PFKFB3: variants seen among roughly 807,000 people sequenced by gnomAD.
The protein encoded by PFKFB3 is 6-phosphofructo-2-kinase/fructose-2,6-bisphosphatase 3.
A neutral mutation model predicts 68.0 loss-of-function variants in PFKFB3; 33 were observed. That is an observed-to-expected ratio of 0.49 (90% CI 0.37 to 0.65). PFKFB3 has a LOEUF of 0.65. Ranked by LOEUF, PFKFB3 falls within the 30% of genes least tolerant of loss-of-function variation. The pLI is 0.00. For missense variants in PFKFB3, 586 were observed against 712.2 expected (o/e 0.82, Z 2.02); for synonymous variants, 315 against 288.2 (o/e 1.09, Z -0.94).
At chr10:6,275,578 ACGCG>A in the PFKFB3 span, among the ~76,000 whole-genome samples, 1 of 152,196 alleles carries the variant, frequency 6.6e-6, no homozygotes, top group Middle Eastern at 3.4e-3. This position sits in a 1 kb window ranked among gnomAD's most constrained non-coding sequence, Gnocchi z 4.9. Context: ...TGTTCCCCAC[ACGCG>A]TTCTTATTGT....
chr10:6,291,520 C>T, the PFKFB3 span, among the ~76,000 whole-genome samples: 1 of 150,624 alleles, frequency 6.6e-6, no homozygotes, highest in South Asian at 2.1e-4. Context: ...CCGCTGCACT[C>T]CAGCCTGGGC....
chr10:6,200,659 C>CGGGG (rs57019530), upstream of PFKFB3, among the ~76,000 whole-genome samples: 7 of 68,964 alleles, frequency 1.0e-4, no homozygotes, highest in African/African-American at 2.0e-4. Flanking sequence ...ATGTAAGGAG[C>CGGGG]GGGGGGGGGG....
chr10:6,148,333 T>C (rs1287790353), intron 1 of PFKFB3, among the ~76,000 whole-genome samples: 2 of 152,200 alleles, frequency 1.3e-5, no homozygotes, highest in African/African-American at 4.8e-5. Flanking sequence ...CAGAGGGACT[T>C]AGACCTCATA....
chr10:6,237,514 A>C (rs12573050), downstream of PFKFB3, among the ~76,000 whole-genome samples: 39 of 152,394 alleles, frequency 2.6e-4, no homozygotes, highest in East Asian at 7.3e-3. Flanking sequence ...TGTATTAACA[A>C]AAATTCAAAG....
rs79776026 is a variant in PFKFB3, at chr10:6,154,215, G to A, written c.16+9202G>A. Among the ~76,000 whole-genome samples the A allele has an allele frequency of 6.7e-3, 1,026 of 152,080 alleles. 20 individuals carry two copies. The highest frequency in any genetic ancestry group is 0.023 in the African/African-American group (973 of 41,478). ...CTCTCAGCTGGAGACAGGAAGGCCT[G>A]GGAGGGTTTTGGTGGAGGTGTGGGC... On this transcript the variant is annotated intron_variant, in intron 1 of 14. Transcript: ENST00000379789. The surrounding 1 kb of genome is among the most constrained non-coding windows in gnomAD (Gnocchi z 4.6).
At chr10:6,262,937 C>T in the PFKFB3 span, among the ~76,000 whole-genome samples, 3 of 152,106 alleles carry the variant, frequency 2.0e-5, no homozygotes, top group Admixed American at 1.3e-4. Flanking sequence ...TTGAAAGAAG[C>T]TGAAGGCTGG....
downstream of PFKFB3, among the ~76,000 whole-genome samples, chr10:6,256,725 T>C (rs1846499429): frequency 6.6e-6 from 1 of 152,208 alleles, no homozygotes; most frequent in Admixed American, 6.5e-5. Flanking sequence ...ATTCAGTAAG[T>C]AGAAACCTGT....
the PFKFB3 span, among the ~76,000 whole-genome samples, chr10:6,266,316 G>A: frequency 6.6e-6 from 1 of 152,150 alleles, no homozygotes; most frequent in Non-Finnish European, 1.5e-5. Context: ...GGTCATAGGA[G>A]CATCTTCAGG....
chr10:6,184,817 A>G (rs1334771432), intron 1 of PFKFB3, among the ~76,000 whole-genome samples: 1 of 130,916 alleles, frequency 7.6e-6, no homozygotes, highest in Non-Finnish European at 1.6e-5. Flanking sequence ...TGTGTTGCCC[A>G]GGCTGGTCCC....
At chr10:6,227,073 G>A (rs533956298) in intron 14 of PFKFB3, among the ~76,000 whole-genome samples, 116 of 151,772 alleles carry the variant, frequency 7.6e-4, no homozygotes, top group African/African-American at 2.6e-3. Flanking sequence ...GTGACAGAGG[G>A]AGACTCCGTC....
rs1196964959 is a variant in PFKFB3 at position 6,213,671 on chromosome 10, G to C, written c.125G>C (p.Gly42Ala). Residue 42 changes from glycine to alanine, a missense_variant, in exon 2 of 15, where the codon GGC becomes GCC. Coordinates refer to ENST00000379775, the MANE Select transcript of PFKFB3 (RefSeq NM_004566.4). ...TCCCCCACCGTCATCGTCATGGTGG[G>C]CCTCCCCGCCCGGGGCAAGACCTAC... ...TNSPTVIVMV[G>A]LPARGKTYIS... The C allele has an allele frequency of 1.2e-6, 2 of 1,613,376 alleles. No homozygotes were observed. Among genetic ancestry groups the C allele is most frequent in the Non-Finnish European group, 1.7e-6 (2 of 1,179,772 alleles).
intron 1 of PFKFB3, among the ~76,000 whole-genome samples, chr10:6,187,004 A>G (rs1372937206): frequency 6.6e-6 from 1 of 151,968 alleles, no homozygotes; most frequent in African/African-American, 2.4e-5. Context: ...TGCCGCCACG[A>G]CTGAAGCTGG....
intron 14 of PFKFB3, among the ~76,000 whole-genome samples, chr10:6,231,861 T>TGGCGGGCACCCATCACCTCTC (rs1226176037): frequency 4.0e-5 from 6 of 149,024 alleles, no homozygotes; most frequent in Non-Finnish European, 9.0e-5. Flanking sequence ...CATCACCTCC[T>TGGCGGGCACCCATCACCTCTC]GGCGGGCACC....
Position 6,213,764 on chromosome 10 carries a change from G to A in PFKFB3, c.202+16G>A, listed in dbSNP as rs112999155. Reference sequence around the variant, plus strand: ...CCCACAAAAGGTGAGACTGGGTCTCGAGGCCGGACCCCTGCTCGTGCAAAA... The same window carrying A: ...CCCACAAAAGGTGAGACTGGGTCTCAAGGCCGGACCCCTGCTCGTGCAAAA... On this transcript the variant is annotated intron_variant, in intron 2 of 14. Coordinates refer to ENST00000379775, the MANE Select transcript of PFKFB3 (RefSeq NM_004566.4). The A allele has an allele frequency of 1.5e-3, 2,471 of 1,609,960 alleles. 24 individuals are homozygous for A. In the African/African-American group the frequency reaches 0.027, roughly 17 times the overall value.
chr10:6,207,319 C>G (rs569909928), intron 1 of PFKFB3, among the ~76,000 whole-genome samples: 8 of 152,340 alleles, frequency 5.3e-5, no homozygotes, highest in Non-Finnish European at 8.8e-5. Context: ...CTCCTGCAAT[C>G]GCAGGCACTC....
chr10:6,162,070 C>T (rs942704054), intron 1 of PFKFB3, among the ~76,000 whole-genome samples: 3 of 152,218 alleles, frequency 2.0e-5, no homozygotes, highest in Non-Finnish European at 2.9e-5. Flanking sequence ...CAGCTCCTGG[C>T]AGCCACCATT....
At chr10:6,282,487 G>C in the PFKFB3 span, among the ~76,000 whole-genome samples, 1 of 152,160 alleles carries the variant, frequency 6.6e-6, no homozygotes, top group African/African-American at 2.4e-5. Flanking sequence ...TAAATTTAAA[G>C]GGATTCTGGA....
chr10:6,184,633 G>A (rs998955192), intron 1 of PFKFB3, among the ~76,000 whole-genome samples: 13 of 151,792 alleles, frequency 8.6e-5, no homozygotes, highest in African/African-American at 3.1e-4. Context: ...ACTGTGCCTG[G>A]CTAATTTTTG....
chr10:6,182,629 G>T (rs567893784), intron 1 of PFKFB3, among the ~76,000 whole-genome samples: 2 of 152,302 alleles, frequency 1.3e-5, no homozygotes, highest in South Asian at 4.1e-4. Flanking sequence ...TGGCCTCGAG[G>T]CCCCCGCCTG....
Sources: gnomAD v4.1 joint callset for allele counts (sites outside exome capture counted in the v4.1 genomes callset) on GRCh38, gnomAD v4.1.1 for gene constraint, Gnocchi (gnomAD v3.1) non-coding constraint, MANE v1.5 for transcripts, NCBI Gene and HGNC (gene_info 2026-07-23, HGNC 2026-07-21) for gene names.